Variants in PCDHGA7 observed in about 807,000 individuals in gnomAD.
PCDHGA7 encodes the protein protocadherin gamma-A7.
PCDHGA7 carries 44 observed loss-of-function variants against 58.3 expected under a neutral mutation model. The ratio of observed to expected loss-of-function variants is 0.75; its 90% CI spans 0.59 to 0.97. The LOEUF (loss-of-function observed/expected upper bound fraction) is 0.97, where lower values mean the gene tolerates loss of function less well. Ranked by LOEUF, PCDHGA7 falls within the 50% of genes least tolerant of loss-of-function variation. The pLI, the probability that PCDHGA7 is intolerant of heterozygous loss-of-function variation, is 0.00. For missense variants in PCDHGA7, 1,266 were observed against 1,188.7 expected (o/e 1.06, Z -0.96); for synonymous variants, 516 against 504.2 (o/e 1.02, Z -0.31).
At position 141,486,481 on chromosome 5, in the gene PCDHGA7, T is replaced by C. The variant is rs1562112794; in HGVS notation, c.2425-8326T>C. 1 of 1,614,036 alleles carries C rather than the reference T, an allele frequency of 6.2e-7. No individual in the cohort carries two copies. The highest frequency in any genetic ancestry group is 8.5e-7 in the Non-Finnish European group (1 of 1,179,976). Reference sequence around the variant, plus strand: ...CTGATGCTGGGAACCCTCCTCTCAGTACCCACAGAACTATTTTCCTCAATA... The same window carrying C: ...CTGATGCTGGGAACCCTCCTCTCAGCACCCACAGAACTATTTTCCTCAATA... On this transcript the variant is annotated intron_variant, in intron 1 of 3. Coordinates refer to ENST00000518325, the MANE Select transcript of PCDHGA7 (RefSeq NM_018920.4). This position sits in a 1 kb window ranked among gnomAD's most constrained non-coding sequence, Gnocchi z 5.0.
At position 141,476,978 on chromosome 5, in the gene PCDHGA7, C is replaced by T; in HGVS notation, c.2425-17829C>T. 2 of 1,614,256 alleles carry T rather than the reference C, an allele frequency of 1.2e-6. No homozygotes were observed. Among genetic ancestry groups the T allele is most frequent in the Non-Finnish European group, 1.7e-6 (2 of 1,180,058 alleles). ...TATTTACTCCTTCGGCAGCCACAAC[C>T]GCGCCGGCGTGCGGCAACTATTCGC... On this transcript the variant is annotated intron_variant, in intron 1 of 3. Coordinates refer to ENST00000518325, the MANE Select transcript of PCDHGA7 (RefSeq NM_018920.4). This position sits in a 1 kb window ranked among gnomAD's most constrained non-coding sequence, Gnocchi z 7.6.
intron 1 of PCDHGA7, chr5:141,392,231 C>T (rs1225616326): frequency 6.6e-6 from 1 of 152,078 alleles, no homozygotes; most frequent in Non-Finnish European, 1.5e-5. Context: ...AACTGAAGTT[C>T]TTAGTTATTT....
intron 1 of PCDHGA7, among the ~76,000 whole-genome samples, chr5:141,458,436 C>T (rs2098945707): frequency 6.6e-6 from 1 of 152,056 alleles, no homozygotes; most frequent in Non-Finnish European, 1.5e-5. Context: ...AAGAGGAGGT[C>T]CCCCACATTA....
Position 141,431,423 on chromosome 5 carries a change from C to A in PCDHGA7, c.2424+46100C>A, listed in dbSNP as rs868299769. 20 of 1,613,552 alleles carry A rather than the reference C, an allele frequency of 1.2e-5. No individual in the cohort carries two copies. In the Admixed American group the frequency reaches 2.2e-4, roughly 17 times the overall value. ...GGCCTCCGACGGGGGCGACCCGGTG[C>A]GCACAGGCACCGCGCGCATCCGCGT... On this transcript the variant is annotated intron_variant, in intron 1 of 3. Coordinates refer to ENST00000518325, the MANE Select transcript of PCDHGA7 (RefSeq NM_018920.4). The surrounding 1 kb of genome is among the most constrained non-coding windows in gnomAD (Gnocchi z 4.8).
chr5:141,410,714 T>C (rs1561730445), intron 1 of PCDHGA7: 7 of 1,434,512 alleles, frequency 4.9e-6, no homozygotes, highest in Middle Eastern at 1.8e-4. Flanking sequence ...TAGAATCATA[T>C]GTTTAAAATC....
chr5:141,482,404 A>C (rs1262544355), intron 1 of PCDHGA7, among the ~76,000 whole-genome samples: 1 of 152,076 alleles, frequency 6.6e-6, no homozygotes, highest in Non-Finnish European at 1.5e-5. Flanking sequence ...GTACTCAATA[A>C]CTATTTGTTG....
chr5:141,427,429 G>A (rs2097025761), intron 1 of PCDHGA7: 1 of 471,078 alleles, frequency 2.1e-6, no homozygotes, highest in African/African-American at 2.0e-5. Flanking sequence ...GAGGTTACAT[G>A]CCTCATAAAC....
In PCDHGA7 at chr5:141,490,084, G is replaced by A. The variant is rs772917260; in HGVS notation, c.2425-4723G>A. The A allele has an allele frequency of 4.3e-6, 7 of 1,614,104 alleles. No individual in the cohort carries two copies. ...CAACGGCCAACTAGACTATTCTTTT[G>A]GAGACCACACATCTGAGGCAGTGCG... On this transcript the variant is annotated intron_variant, in intron 1 of 3. Transcript: ENST00000518325. The surrounding 1 kb of genome is among the most constrained non-coding windows in gnomAD (Gnocchi z 5.4).
At chr5:141,412,385 AT>A (rs1277702119) in intron 1 of PCDHGA7, 2 of 152,236 alleles carry the variant, frequency 1.3e-5, no homozygotes, top group Admixed American at 1.3e-4. Flanking sequence ...AAATAGGTCC[AT>A]TTAACTTGTA....
In PCDHGA7 at chr5:141,476,506, C is replaced by T; in HGVS notation, c.2425-18301C>T. 1 of 1,614,068 alleles carries T rather than the reference C, an allele frequency of 6.2e-7. No homozygotes were observed. ...AAGTGGTGATCCAGGACATCAACGA[C>T]AACAATCCTGCTTTCCCTACCCAGG... On this transcript the variant is annotated intron_variant, in intron 1 of 3. Transcript: ENST00000518325. This position sits in a 1 kb window ranked among gnomAD's most constrained non-coding sequence, Gnocchi z 7.6.
chr5:141,414,793 G>A lies in PCDHGA7; in HGVS notation c.2424+29470G>A, dbSNP rs756653393. On this transcript the variant is annotated intron_variant, in intron 1 of 3. Transcript: ENST00000518325. ...GCTACAGATGCAGGTGACAGCCAGCGACAGCGGGGATCCTCCACTCAGCAG... is the reference window on the plus strand; with the variant it reads ...GCTACAGATGCAGGTGACAGCCAGCAACAGCGGGGATCCTCCACTCAGCAG... 2.5e-6 allele frequency: 4 copies of A among 1,614,100 alleles called. No individual in the cohort carries two copies. The African/African-American group carries it at 4.0e-5, about 16-fold the overall frequency.
At chr5:141,408,780 A>G (rs1304526612) in intron 1 of PCDHGA7, 1 of 1,612,372 alleles carries the variant, frequency 6.2e-7, no homozygotes, top group Non-Finnish European at 8.5e-7. Flanking sequence ...AAATACCCAG[A>G]GTTATCTCTG....
Position 141,395,354 on chromosome 5 carries a change from T to A in PCDHGA7, c.2424+10031T>A, listed in dbSNP as rs375237289. ...ATAATTTTTAAGGTGTATCACAGAG[T>A]TTTGGGTTTATTTTGGTGGTGTTAC... On this transcript the variant is annotated intron_variant, in intron 1 of 3. Coordinates refer to ENST00000518325, the MANE Select transcript of PCDHGA7 (RefSeq NM_018920.4). 28 of 1,357,052 alleles carry A rather than the reference T, an allele frequency of 2.1e-5. No homozygotes were observed. The Middle Eastern group carries it at 1.0e-3, about 51-fold the overall frequency. 84.1% of individuals were successfully genotyped at this position (1,357,052 alleles called of 1,614,324 possible).
chr5:141,384,934 G>C lies in PCDHGA7; in HGVS notation c.2035G>C (p.Glu679Gln), dbSNP rs750109041. The part of the protein sequence containing the change: ...PEVLADLGSL[E>Q]PSDGPYNYDL... Reference sequence around the variant, plus strand: ...AGTCTTGGCCGACCTGGGCAGCCTTGAGCCCTCCGACGGTCCTTACAACTA... The same window carrying C: ...AGTCTTGGCCGACCTGGGCAGCCTTCAGCCCTCCGACGGTCCTTACAACTA... Residue 679 changes from glutamate (E) to glutamine (Q), a missense_variant, in exon 1 of 4, where the codon GAG (glutamate) becomes CAG (glutamine). Coordinates refer to ENST00000518325, the MANE Select transcript of PCDHGA7 (RefSeq NM_018920.4). 2.9e-5 allele frequency: 47 copies of C among 1,614,050 alleles called. No homozygotes were observed. In the East Asian group the frequency reaches 1.0e-3, roughly 34 times the overall value.
intron 1 of PCDHGA7, chr5:141,413,659 A>G (rs2095663872): frequency 1.2e-6 from 2 of 1,613,830 alleles, no homozygotes; most frequent in African/African-American, 1.3e-5. Flanking sequence ...CCCGGAAGCT[A>G]TTGATCCGGA....
intron 1 of PCDHGA7, among the ~76,000 whole-genome samples, chr5:141,454,796 ATTTTTTTTTTTTTTTTTTT>A (rs61612330): frequency 3.9e-5 from 3 of 77,408 alleles, no homozygotes; most frequent in African/African-American, 1.2e-4. Context: ...CATGGTTCTA[ATTTTTTTTTTTTTTTTTTT>A]TTTTTTTTTT....
At position 141,511,241 on chromosome 5, in the gene PCDHGA7, C is replaced by G; in HGVS notation, c.*68C>G. ...CCAGCCCAGCTTCTCCTTACCTGCA[C>G]CCAGGCCTCAGAGTTTCAGGGCTAA... On this transcript the variant is annotated 3_prime_UTR_variant, in exon 4 of 4. Transcript: ENST00000518325. 1 of 1,585,214 alleles carries G rather than the reference C, an allele frequency of 6.3e-7. No individual in the cohort carries two copies. The highest frequency in any genetic ancestry group is 1.1e-5 in the South Asian group (1 of 87,760).
intron 1 of PCDHGA7, chr5:141,428,630 C>T: frequency 5.4e-6 from 1 of 185,692 alleles, no homozygotes; most frequent in Non-Finnish European, 1.1e-5. Context: ...AGCTCTAACT[C>T]TGTTGCTCCT....
At chr5:141,418,940 C>G in intron 1 of PCDHGA7, 9 of 1,614,012 alleles carry the variant, frequency 5.6e-6, no homozygotes, top group Non-Finnish European at 6.8e-6. Context: ...GGAGGATTCC[C>G]CTCCAGGAGT....
Sources: gnomAD v4.1 joint callset for allele counts (sites outside exome capture counted in the v4.1 genomes callset) on GRCh38, gnomAD v4.1.1 for gene constraint, Gnocchi (gnomAD v3.1) non-coding constraint, MANE v1.5 for transcripts, NCBI Gene and HGNC (gene_info 2026-07-23, HGNC 2026-07-21) for gene names.